Variants in UNC13B observed in about 807,000 individuals in gnomAD.
The protein encoded by UNC13B is protein unc-13 homolog B.
UNC13B carries 144 observed loss-of-function variants against 211.0 expected under a neutral mutation model. That is an observed-to-expected ratio of 0.68 (90% CI 0.60 to 0.78). The LOEUF (loss-of-function observed/expected upper bound fraction) is 0.78. Ranked by LOEUF, UNC13B falls within the 30% of genes least tolerant of loss-of-function variation. The pLI, the probability that UNC13B is intolerant of heterozygous loss-of-function variation, is 0.00. For synonymous variants in UNC13B, 709 were observed against 725.8 expected, an observed-to-expected ratio of 0.98 and a Z score of 0.37; for missense variants, 1,777 against 2,002.0, an observed-to-expected ratio of 0.89 and a Z score of 2.14.
chr9:35,175,276 A>T (rs768490476), intron 1 of UNC13B, among the ~76,000 whole-genome samples: 9 of 152,224 alleles, frequency 5.9e-5, no homozygotes, highest in Non-Finnish European at 1.3e-4. Context: ...TTAGTAGAGA[A>T]ATCTGTTAGA....
intron 1 of UNC13B, among the ~76,000 whole-genome samples, chr9:35,162,858 G>T (rs1357214551): frequency 6.6e-6 from 1 of 152,164 alleles, no homozygotes; most frequent in Non-Finnish European, 1.5e-5. Flanking sequence ...TGCTTTTGAG[G>T]ATAAGAGGTA....
At chr9:35,168,262 A>C (rs72722994) in intron 1 of UNC13B, among the ~76,000 whole-genome samples, 22,272 of 152,146 alleles carry the variant, frequency 0.15, 1,900 homozygotes, top group Admixed American at 0.24. Flanking sequence ...TTTAAGTTCA[A>C]GGGGTACATA....
chr9:35,200,508 T>G (rs977784686), intron 1 of UNC13B, among the ~76,000 whole-genome samples: 3 of 152,124 alleles, frequency 2.0e-5, no homozygotes, highest in Non-Finnish European at 4.4e-5. Flanking sequence ...TCTTTTATTT[T>G]GTTGAGCAGT....
chr9:35,291,064 C>T, intron 7 of UNC13B: 1 of 1,550,080 alleles, frequency 6.5e-7, no homozygotes, highest in African/African-American at 1.4e-5. Flanking sequence ...TTGTGGTTTT[C>T]TTAGGTCACT....
chr9:35,342,567 T>C (rs1423796575), intron 11 of UNC13B, among the ~76,000 whole-genome samples: 2 of 152,212 alleles, frequency 1.3e-5, no homozygotes, highest in Non-Finnish European at 2.9e-5. Context: ...TCCATTCCTC[T>C]GTGGTACTTT....
At chr9:35,310,373 C>G (rs1830123460) in intron 9 of UNC13B, 94 bp from the exon 10 acceptor site, 2 of 1,324,564 alleles carry the variant, frequency 1.5e-6, no homozygotes, top group Non-Finnish European at 2.1e-6. Flanking sequence ...ATTCTTGCTA[C>G]TAATGTAGTC....
intron 5 of UNC13B, among the ~76,000 whole-genome samples, chr9:35,239,190 CA>C (rs1397014903): frequency 2.0e-5 from 3 of 152,016 alleles, no homozygotes; most frequent in Non-Finnish European, 4.4e-5. Context: ...GATATCTTAT[CA>C]GGGGAAATTC....
intron 7 of UNC13B, among the ~76,000 whole-genome samples, chr9:35,293,366 G>T (rs1052638195): frequency 2.7e-4 from 41 of 152,292 alleles, no homozygotes; most frequent in Admixed American, 2.1e-3. Flanking sequence ...TGGGTTGTGG[G>T]CTTCTAACTC....
intron 1 of UNC13B, among the ~76,000 whole-genome samples, chr9:35,184,218 T>C (rs1470416100): frequency 3.7e-5 from 5 of 135,238 alleles, no homozygotes; most frequent in African/African-American, 8.4e-5. Context: ...CGCTCCTCAC[T>C]TCCCAGACGG....
At chr9:35,367,129 T>C (rs1833823616) in intron 12 of UNC13B, 136 bp downstream of exon 12, 2 of 861,994 alleles carry the variant, frequency 2.3e-6, no homozygotes, top group Non-Finnish European at 3.7e-6. Flanking sequence ...TATAGGTTGG[T>C]TGGTTCTCTG....
chr9:35,237,847 A>T (rs1366225952), intron 5 of UNC13B, 21 bp downstream of exon 5: 1 of 1,588,138 alleles, frequency 6.3e-7, no homozygotes, highest in African/African-American at 1.4e-5. Flanking sequence ...TTTTAAAACT[A>T]TTTAATAATT....
chr9:35,201,015 T>C (rs1257624389), intron 1 of UNC13B, among the ~76,000 whole-genome samples: 1 of 152,200 alleles, frequency 6.6e-6, no homozygotes, highest in East Asian at 1.9e-4. Context: ...GTCCCATCAG[T>C]ACCTAATTTA....
At chr9:35,384,044 G>A (rs963405567) in intron 21 of UNC13B, among the ~76,000 whole-genome samples, 7 of 152,192 alleles carry the variant, frequency 4.6e-5, no homozygotes, top group African/African-American at 1.7e-4. Flanking sequence ...GGACAGAGCT[G>A]CAAAGAGATA....
chr9:35,314,781 C>T (rs1405156933), intron 11 of UNC13B, among the ~76,000 whole-genome samples: 2 of 146,732 alleles, frequency 1.4e-5, no homozygotes, highest in African/African-American at 5.1e-5. Context: ...TAAGTGAGAC[C>T]ATGCAGTATC....
intron 26 of UNC13B, among the ~76,000 whole-genome samples, chr9:35,394,861 GT>G (rs975952198): frequency 6.6e-6 from 1 of 152,218 alleles, no homozygotes; most frequent in Non-Finnish European, 1.5e-5. Context: ...TTGTCAGTTA[GT>G]TTTTATACCA....
intron 7 of UNC13B, among the ~76,000 whole-genome samples, chr9:35,266,450 C>A (rs1447488773): frequency 2.0e-5 from 3 of 152,164 alleles, no homozygotes; most frequent in Non-Finnish European, 4.4e-5. Context: ...CCTGTAATCC[C>A]AGCACTTTGG....
At position 35,341,794 on chromosome 9, in the gene UNC13B, C is replaced by A. The variant is rs73645461; in HGVS notation, c.9415-25153C>A. On this transcript the variant is annotated intron_variant, in intron 11 of 39. Coordinates refer to ENST00000635942, the MANE Select transcript of UNC13B (RefSeq NM_001371189.2). ...GGGAAGGGGGTGTGTGCGCCAGGAA[C>A]GTGTGAGGAGGGCTGGTGCCCTATG... is the stretch of plus-strand genomic sequence containing the variant. 8 of 302,804 alleles carry A rather than the reference C, an allele frequency of 2.6e-5. No homozygotes were observed. The South Asian group carries it at 1.0e-3, about 40-fold the overall frequency. The allele number at this position is 302,804 out of a possible 1,614,324, so 18.8% of individuals were successfully genotyped here.
At chr9:35,248,596 C>T (rs550006958) in intron 6 of UNC13B, among the ~76,000 whole-genome samples, 2 of 152,162 alleles carry the variant, frequency 1.3e-5, no homozygotes, top group African/African-American at 2.4e-5. Context: ...TTTATTTCTG[C>T]CTTCATTTCA....
chr9:35,351,324 G>T, intron 11 of UNC13B: 1 of 1,220,194 alleles, frequency 8.2e-7, no homozygotes, highest in Non-Finnish European at 1.0e-6. Flanking sequence ...GGATCCAGGG[G>T]CATGTGCGAG....
Sources: allele counts gnomAD v4.1 joint callset (sites outside exome capture counted in the v4.1 genomes callset), GRCh38; gene constraint gnomAD v4.1.1; transcripts MANE v1.5; gene names NCBI Gene and HGNC (gene_info 2026-07-23, HGNC 2026-07-21).